The following TMPO variants were observed in gnomAD, a reference collection of about 807,000 sequenced individuals.
The protein encoded by TMPO is LEM domain containing 4.
Under a neutral mutation model 45.4 loss-of-function variants are expected in TMPO, and 22 were observed. That is an observed-to-expected ratio of 0.48 (90% confidence interval 0.35 to 0.69). The LOEUF is 0.69. Ranked by LOEUF, TMPO falls within the 30% of genes least tolerant of loss-of-function variation. TMPO has a pLI of 0.01. For missense variants in TMPO, 512 were observed against 548.8 expected, an observed-to-expected ratio of 0.93 and a Z score of 0.67; for synonymous variants, 241 against 204.1, an observed-to-expected ratio of 1.18 and a Z score of -1.54.
At chr12:98,525,162 G>A (rs75980383) in intron 1 of TMPO, among the ~76,000 whole-genome samples, 1,753 of 152,272 alleles carry the variant, frequency 0.012, 33 homozygotes, top group African/African-American at 0.04. Flanking sequence ...AAAGAAATAA[G>A]TCTTAGAACT....
At chr12:98,544,124 G>A (rs1878078580) in intron 4 of TMPO, 106 bp from the exon 5 acceptor site, 3 of 1,244,802 alleles carry the variant, frequency 2.4e-6, no homozygotes, top group African/African-American at 3.0e-5. Flanking sequence ...TGTAAATGCT[G>A]GCATTTGGAG....
intron 3 of TMPO, among the ~76,000 whole-genome samples, chr12:98,536,510 A>C (rs1364872363): frequency 6.6e-6 from 1 of 152,044 alleles, no homozygotes; most frequent in East Asian, 1.9e-4. Context: ...TCTGCCACCA[A>C]CCCTGGCTAA....
At chr12:98,541,943 G>A (rs981738489) in intron 4 of TMPO, among the ~76,000 whole-genome samples, 4 of 151,956 alleles carry the variant, frequency 2.6e-5, no homozygotes, top group African/African-American at 9.7e-5. Flanking sequence ...ACTCCATATC[G>A]GAACGTAGCC....
chr12:98,522,382 G>A (rs1876438205), intron 1 of TMPO, among the ~76,000 whole-genome samples: 1 of 152,122 alleles, frequency 6.6e-6, no homozygotes, highest in African/African-American at 2.4e-5. Flanking sequence ...GCTACCAATA[G>A]GAAATGTTAA....
Position 98,516,064 on chromosome 12 carries a change from C to G in TMPO, c.197C>G (p.Ser66Cys), listed in dbSNP as rs1875767340. The G allele has an allele frequency of 2.5e-6, 4 of 1,608,918 alleles. No individual in the cohort carries two copies. The highest frequency in any genetic ancestry group is 3.4e-6 in the Non-Finnish European group (4 of 1,179,030). Reference sequence around the variant, plus strand: ...AACAGCAAGGGGCCCCCGGACTTCTCCAGTGACGAAGAGCGCGAGCCCACC... The same window carrying G: ...AACAGCAAGGGGCCCCCGGACTTCTGCAGTGACGAAGAGCGCGAGCCCACC... ...GTNSKGPPDF[S>C]SDEEREPTPV... Residue 66 changes from serine to cysteine, a missense_variant, in exon 1 of 9, where the codon TCC becomes TGC. Ser to Cys is a moderately radical substitution (Grantham distance 112). This residue lies in a region of TMPO where 299 missense variants were observed against 296.7 expected (regional missense o/e 1.01). Coordinates refer to ENST00000556029, the MANE Select transcript of TMPO (RefSeq NM_001032283.3).
At chr12:98,539,630 T>C (rs1350533382) in intron 4 of TMPO, among the ~76,000 whole-genome samples, 1 of 152,038 alleles carries the variant, frequency 6.6e-6, no homozygotes, top group Non-Finnish European at 1.5e-5. Context: ...CCCGCCACCA[T>C]GCCCAGCTAG....
At position 98,531,687 on chromosome 12, in the gene TMPO, C is replaced by T. The variant is rs757865078; in HGVS notation, c.414C>T (p.Thr138=). 4 of 1,612,258 alleles carry T rather than the reference C, an allele frequency of 2.5e-6. No homozygotes were observed. Among genetic ancestry groups the T allele is most frequent in the Non-Finnish European group, 3.4e-6 (4 of 1,179,952 alleles). The change falls in exon 3 of 9, where the codon ACC becomes ACT. Residue 138 remains threonine, a synonymous_variant. Transcript: ENST00000556029. ...GVNPGPIVGT[T]RKLYEKKLLK... Reference sequence around the variant, plus strand: ...AGTTCTGCCTTAATCCAGGAACAACCAGGAAGCTATATGAGAAAAAGCTTT... The same window carrying T: ...AGTTCTGCCTTAATCCAGGAACAACTAGGAAGCTATATGAGAAAAAGCTTT...
chr12:98,532,027 A>G, intron 3 of TMPO, 189 bp downstream of exon 3: 1 of 547,794 alleles, frequency 1.8e-6, no homozygotes, highest in South Asian at 2.4e-5. Context: ...CATAGTACAA[A>G]TTCATAATTT....
At chr12:98,519,593 A>T (rs1046802168) in intron 1 of TMPO, among the ~76,000 whole-genome samples, 1 of 151,772 alleles carries the variant, frequency 6.6e-6, no homozygotes, top group Non-Finnish European at 1.5e-5. Flanking sequence ...TATAAAGAAA[A>T]CTTACTTCAT....
intron 4 of TMPO, among the ~76,000 whole-genome samples, chr12:98,542,231 C>T (rs1565815832): frequency 6.6e-6 from 1 of 152,186 alleles, no homozygotes; most frequent in Non-Finnish European, 1.5e-5. Flanking sequence ...TTCCCACCAG[C>T]AGTGTTTGAA....
intron 1 of TMPO, 159 bp downstream of exon 1, chr12:98,516,305 C>T: frequency 8.1e-7 from 1 of 1,233,764 alleles, no homozygotes; most frequent in Non-Finnish European, 1.0e-6. Context: ...CGCGGGGCTG[C>T]AGGCGCCGGA....
At chr12:98,545,786 G>C (rs903476711) in intron 7 of TMPO, among the ~76,000 whole-genome samples, 1 of 151,892 alleles carries the variant, frequency 6.6e-6, no homozygotes, top group Non-Finnish European at 1.5e-5. Context: ...AGGCTGGAGT[G>C]CAGTGGCACG....
intron 3 of TMPO, chr12:98,534,097 G>A: frequency 6.2e-7 from 1 of 1,612,850 alleles, no homozygotes; most frequent in Non-Finnish European, 8.5e-7. Context: ...TACCCACCAA[G>A]CGCTTGGGAT....
At chr12:98,544,768 T>A (rs1237822018) in intron 6 of TMPO, 183 bp from the exon 7 acceptor site, 1 of 657,070 alleles carries the variant, frequency 1.5e-6, no homozygotes, top group African/African-American at 1.8e-5. Context: ...TATTTTTTGT[T>A]AAAATATTTG....
chr12:98,548,389 A>C lies in TMPO; in HGVS notation c.*531A>C, dbSNP rs1373512460. 6.4e-6 allele frequency: 1 copy of C among 156,960 alleles called. No individual in the cohort carries two copies. Among genetic ancestry groups the C allele is most frequent in the Non-Finnish European group, 1.4e-5 (1 of 71,054 alleles). 9.7% of individuals were successfully genotyped at this position (156,960 alleles called of 1,614,324 possible). Reference sequence around the variant, plus strand: ...TGTTTATGAGGAAAAGTACAGCAATAATCTCTTCTGTAACCTTTATTAATA... The same window carrying C: ...TGTTTATGAGGAAAAGTACAGCAATCATCTCTTCTGTAACCTTTATTAATA... On this transcript the variant is annotated 3_prime_UTR_variant, in exon 9 of 9. Coordinates refer to ENST00000556029, the MANE Select transcript of TMPO (RefSeq NM_001032283.3).
intron 1 of TMPO, among the ~76,000 whole-genome samples, chr12:98,522,784 T>C (rs553066719): frequency 2.8e-4 from 43 of 152,254 alleles, no homozygotes; most frequent in Non-Finnish European, 4.6e-4. Flanking sequence ...AGAGCATGCT[T>C]GAACCTCAGT....
chr12:98,516,184 T>C lies in TMPO; in HGVS notation c.279+38T>C, dbSNP rs1875787606. Reference sequence around the variant, plus strand: ...GGCCGGGGCTACAAAGGCGGGCGTTTGGCGGTTGCCGCGCGCGCTCGCCGC... The same window carrying C: ...GGCCGGGGCTACAAAGGCGGGCGTTCGGCGGTTGCCGCGCGCGCTCGCCGC... On this transcript the variant is annotated intron_variant, in intron 1 of 8. Transcript: ENST00000556029. 2.3e-6 allele frequency: 3 copies of C among 1,324,828 alleles called. No homozygotes were observed. The African/African-American group carries it at 4.6e-5, about 20-fold the overall frequency. The allele number at this position is 1,324,828 out of a possible 1,614,324, so 82.1% of individuals were successfully genotyped here. A position where few individuals can be genotyped will look rare whatever the true frequency, so the allele number is the denominator to read the frequency against.
intron 1 of TMPO, among the ~76,000 whole-genome samples, chr12:98,521,165 T>TG (rs1280890118): frequency 1.4e-5 from 2 of 140,836 alleles, no homozygotes; most frequent in African/African-American, 5.3e-5. Context: ...TGGACTGCAG[T>TG]GGCGTGATCT....
intron 8 of TMPO, among the ~76,000 whole-genome samples, chr12:98,547,327 G>C (rs1160040415): frequency 6.6e-6 from 1 of 152,074 alleles, no homozygotes; most frequent in Non-Finnish European, 1.5e-5. Flanking sequence ...TGCCCGCCTT[G>C]GCCTCCCAAA....
Sources: gnomAD v4.1 joint callset for allele counts (sites outside exome capture counted in the v4.1 genomes callset) on GRCh38, gnomAD v4.1.1 for gene constraint, gnomAD v4.1.1 regional missense constraint, MANE v1.5 for transcripts, NCBI Gene and HGNC (gene_info 2026-07-23, HGNC 2026-07-21) for gene names.